KIF26B: variants seen among roughly 807,000 people sequenced by gnomAD.
The protein encoded by KIF26B is kinesin-like protein KIF26B.
In KIF26B, 63 loss-of-function variants were observed where a neutral mutation model predicts 151.2. The ratio of observed to expected loss-of-function variants is 0.42; its 90% CI spans 0.34 to 0.51. The LOEUF (loss-of-function observed/expected upper bound fraction) is 0.51. Among genes scored for constraint, KIF26B ranks in the 20% least tolerant of loss-of-function variants. The probability of loss-of-function intolerance (pLI) is 0.07; values close to 1 mark genes in which losing one functional copy is unlikely to be tolerated. For synonymous variants in KIF26B, 1,357 were observed against 1,262.1 expected (o/e 1.08, Z -1.59); for missense variants, 2,813 against 2,913.6 (o/e 0.97, Z 0.79).
chr1:245,686,943 C>G lies in KIF26B; in HGVS notation c.3960C>G (p.Ser1320Arg), dbSNP rs1171640208. The change falls in exon 12 of 15, where the codon AGC becomes AGG. Residue 1320 changes from serine (S) to arginine (R), a missense_variant. Ser to Arg is a moderately radical substitution (Grantham distance 110). This residue lies in a region of KIF26B where 2,060 missense variants were observed against 2,088.6 expected (regional missense o/e 0.99). Transcript: ENST00000407071. This position sits in a 1 kb window ranked among gnomAD's most constrained non-coding sequence, Gnocchi z 5.6. ...MAEPVASEFV[S>R]SLQNTAVVCR... ...AACCTGTGGCCTCGGAGTTTGTCAG[C>G]AGCCTCCAGAACACCGCTGTGGTGT... 3 of 1,613,414 alleles carry G rather than the reference C, an allele frequency of 1.9e-6. No homozygotes were observed. The highest frequency in any genetic ancestry group is 2.5e-6 in the Non-Finnish European group (3 of 1,179,766).
intron 5 of KIF26B, among the ~76,000 whole-genome samples, chr1:245,554,787 G>A (rs562306884): frequency 1.3e-5 from 2 of 152,280 alleles, no homozygotes; most frequent in South Asian, 2.1e-4. Flanking sequence ...CCATTTTAGC[G>A]CTTTGATGTG....
chr1:245,327,137 T>C (rs891493748), intron 2 of KIF26B, among the ~76,000 whole-genome samples: 1 of 152,202 alleles, frequency 6.6e-6, no homozygotes, highest in Non-Finnish European at 1.5e-5. Context: ...TGTATACATG[T>C]TGCTGGCGCC....
intron 4 of KIF26B, among the ~76,000 whole-genome samples, chr1:245,474,558 T>C (rs1659990546): frequency 6.6e-6 from 1 of 151,334 alleles, no homozygotes; most frequent in South Asian, 2.1e-4. Context: ...ATTACAGGCA[T>C]GCGCCATCAT....
chr1:245,624,247 C>G (rs1059736), intron 9 of KIF26B, among the ~76,000 whole-genome samples: 1 of 150,928 alleles, frequency 6.6e-6, no homozygotes, highest in African/African-American at 2.4e-5. Context: ...AAAACCTATA[C>G]TAGAACTGGA....
intron 2 of KIF26B, among the ~76,000 whole-genome samples, chr1:245,292,507 G>C (rs1351450752): frequency 6.6e-6 from 1 of 152,186 alleles, no homozygotes; most frequent in African/African-American, 2.4e-5. Context: ...TCTCAGAGCA[G>C]GTGCTTCACC....
intron 9 of KIF26B, among the ~76,000 whole-genome samples, chr1:245,630,711 G>A (rs1323462597): frequency 6.6e-6 from 1 of 152,052 alleles, no homozygotes; most frequent in African/African-American, 2.4e-5. Context: ...TAACAAAACT[G>A]CAGGTTCTGC....
chr1:245,241,340 G>A lies in KIF26B; in HGVS notation c.465+84657G>A, dbSNP rs972155671. 7.2e-5 allele frequency among the ~76,000 whole-genome samples: 11 copies of A among 152,168 alleles called. No homozygotes were observed. The highest frequency in any genetic ancestry group is 2.4e-4 in the African/African-American group (10 of 41,434). ...GGTTTTAGATCCTCATTTGGCCAGA[G>A]GGAGGCAGCTGGATCGGCTTCTCCA... On this transcript the variant is annotated intron_variant, in intron 2 of 14. Transcript: ENST00000407071. The surrounding 1 kb of genome is among the most constrained non-coding windows in gnomAD (Gnocchi z 5.0).
intron 5 of KIF26B, among the ~76,000 whole-genome samples, chr1:245,547,644 C>T (rs1661777814): frequency 1.3e-5 from 2 of 150,636 alleles, no homozygotes; most frequent in South Asian, 4.2e-4. Flanking sequence ...ATATGATCAC[C>T]TTTAATTCTG....
At position 245,628,462 on chromosome 1, in the gene KIF26B, T is replaced by C. The variant is rs561311541; in HGVS notation, c.2098+16486T>C. 3.9e-5 allele frequency among the ~76,000 whole-genome samples: 6 copies of C among 152,296 alleles called. No homozygotes were observed. In the South Asian group the frequency reaches 1.0e-3, roughly 26 times the overall value. ...AGTCAGCTTCATCCCTGGTTCAACA[T>C]GCAAATCAATAAACATAATCCATCA... On this transcript the variant is annotated intron_variant, in intron 9 of 14. Transcript: ENST00000407071.
chr1:245,679,457 GTTTT>G (rs35663208), intron 10 of KIF26B, among the ~76,000 whole-genome samples: 71 of 59,200 alleles, frequency 1.2e-3, no homozygotes, highest in African/African-American at 3.0e-3. Flanking sequence ...TTTTGTGTGT[GTTTT>G]TTTTTTTTTT....
At chr1:245,250,458 C>A (rs181520366) in intron 2 of KIF26B, among the ~76,000 whole-genome samples, 1 of 152,132 alleles carries the variant, frequency 6.6e-6, no homozygotes, top group Non-Finnish European at 1.5e-5. Flanking sequence ...CTGTTACAAG[C>A]GGTGCTATAA....
intron 2 of KIF26B, among the ~76,000 whole-genome samples, chr1:245,291,511 G>A (rs1006259272): frequency 1.3e-5 from 2 of 152,124 alleles, no homozygotes; most frequent in Admixed American, 6.6e-5. Context: ...GCCTTGTGTG[G>A]CTGTCAGCGC....
intron 9 of KIF26B, among the ~76,000 whole-genome samples, chr1:245,625,019 T>C (rs1480912553): frequency 1.3e-5 from 2 of 152,286 alleles, no homozygotes; most frequent in East Asian, 3.9e-4. Flanking sequence ...TCATTTGTTG[T>C]AAAAAGCTAT....
intron 12 of KIF26B, among the ~76,000 whole-genome samples, chr1:245,690,068 G>T (rs1247529468): frequency 6.6e-6 from 1 of 152,188 alleles, no homozygotes; most frequent in Non-Finnish European, 1.5e-5. Context: ...GAAAAAGACA[G>T]ACAGAGGCAA....
intron 2 of KIF26B, among the ~76,000 whole-genome samples, chr1:245,270,511 G>A (rs183917896): frequency 1.3e-5 from 2 of 151,802 alleles, no homozygotes; most frequent in East Asian, 3.9e-4. Context: ...GCATTTCTCT[G>A]ACATTTGTGA....
At chr1:245,684,831 T>C (rs1195688457) in intron 11 of KIF26B, among the ~76,000 whole-genome samples, 4 of 152,246 alleles carry the variant, frequency 2.6e-5, no homozygotes, top group Admixed American at 1.3e-4. Context: ...CTGCTGCATG[T>C]CCAGGAGTCA....
intron 5 of KIF26B, among the ~76,000 whole-genome samples, chr1:245,594,991 T>C (rs2043325385): frequency 6.6e-6 from 1 of 152,326 alleles, no homozygotes; most frequent in African/African-American, 2.4e-5. Flanking sequence ...ATAGGAAGGC[T>C]TGTGATTTTT....
At position 245,702,361 on chromosome 1, in the gene KIF26B, G is replaced by A. The variant is rs1002852410; in HGVS notation, c.6179-97G>A. ...AAGCGAACTAGACCTTTAGACCAAG[G>A]GGTAGATGTGGGGGTGGCAGCTCCA... On this transcript the variant is annotated intron_variant, in intron 14 of 14. Transcript: ENST00000407071. This position sits in a 1 kb window ranked among gnomAD's most constrained non-coding sequence, Gnocchi z 4.1. 7.4e-7 allele frequency: 1 copy of A among 1,357,842 alleles called. No homozygotes were observed. The highest frequency in any genetic ancestry group is 1.4e-5 in the African/African-American group (1 of 69,766). 84.1% of individuals were successfully genotyped at this position (1,357,842 alleles called of 1,614,324 possible). A position where few individuals can be genotyped will look rare whatever the true frequency, so the allele number is the denominator to read the frequency against.
chr1:245,256,412 C>T (rs1355958284), intron 2 of KIF26B, among the ~76,000 whole-genome samples: 2 of 152,186 alleles, frequency 1.3e-5, no homozygotes, highest in Non-Finnish European at 2.9e-5. Context: ...TTCCCTGAGT[C>T]CAACAGCCCC....
Sources: allele counts gnomAD v4.1 joint callset (sites outside exome capture counted in the v4.1 genomes callset), GRCh38; gene constraint gnomAD v4.1.1; regional missense constraint gnomAD v4.1.1; non-coding constraint Gnocchi (gnomAD v3.1); transcripts MANE v1.5; gene names NCBI Gene and HGNC (gene_info 2026-07-23, HGNC 2026-07-21).